The following RFX3 variants were observed in gnomAD, a reference collection of about 807,000 sequenced individuals.
RFX3 encodes the protein transcription factor RFX3.
In RFX3, 14 loss-of-function variants were observed where a neutral mutation model predicts 98.6. The observed-to-expected ratio is 0.14, with a 90% CI of 0.09 to 0.22. The LOEUF is 0.22. RFX3 is among the 10% of genes least tolerant of loss of function. RFX3 has a pLI of 1.00. For missense variants in RFX3, 639 were observed against 926.9 expected, an observed-to-expected ratio of 0.69 and a Z score of 4.03; for synonymous variants, 383 against 328.4, an observed-to-expected ratio of 1.17 and a Z score of -1.80.
intron 2 of RFX3, among the ~76,000 whole-genome samples, chr9:3,393,648 C>G (rs1840550482): frequency 6.7e-6 from 1 of 149,582 alleles, no homozygotes; most frequent in Admixed American, 6.6e-5. Context: ...GGTTCAGAGT[C>G]TTAAAATTGG....
At chr9:3,250,996 T>C (rs79562957) in intron 14 of RFX3, among the ~76,000 whole-genome samples, 2,419 of 152,278 alleles carry the variant, frequency 0.016, 59 homozygotes, top group African/African-American at 0.055. Flanking sequence ...TATCCAAAGA[T>C]ATACGTACAA....
chr9:3,262,430 G>C (rs1586787643), intron 13 of RFX3, among the ~76,000 whole-genome samples: 1 of 152,042 alleles, frequency 6.6e-6, no homozygotes, highest in Non-Finnish European at 1.5e-5. Context: ...ATATTTACTA[G>C]GCAGCTATAG....
chr9:3,352,769 G>C (rs1210857920), intron 2 of RFX3, among the ~76,000 whole-genome samples: 1 of 152,056 alleles, frequency 6.6e-6, no homozygotes. Context: ...GGTGAATCCT[G>C]CCATGATCCT....
intron 10 of RFX3, 135 bp from the exon 11 acceptor site, chr9:3,270,660 C>A: frequency 1.2e-6 from 1 of 847,896 alleles, no homozygotes; most frequent in Non-Finnish European, 1.8e-6. Context: ...TGCCATACAG[C>A]TGGCTATATA....
chr9:3,309,252 G>C (rs775653618), intron 4 of RFX3, among the ~76,000 whole-genome samples: 20 of 152,060 alleles, frequency 1.3e-4, no homozygotes, highest in African/African-American at 4.1e-4. Flanking sequence ...GGGAGATGTC[G>C]TATTTCACAC....
intron 1 of RFX3, among the ~76,000 whole-genome samples, chr9:3,407,677 T>G (rs1842085400): frequency 6.6e-6 from 1 of 152,208 alleles, no homozygotes; most frequent in South Asian, 2.1e-4. Flanking sequence ...GTTTTCATTC[T>G]TCTATATTAT....
At chr9:3,457,130 A>T (rs2132980420) in intron 1 of RFX3, among the ~76,000 whole-genome samples, 1 of 122,634 alleles carries the variant, frequency 8.2e-6, no homozygotes, top group Middle Eastern at 5.1e-3. Flanking sequence ...ACAGGGCGAG[A>T]CTCCATCTCA....
chr9:3,486,257 C>G (rs10114162), intron 1 of RFX3, among the ~76,000 whole-genome samples: 23,592 of 151,760 alleles, frequency 0.16, 3,130 homozygotes, highest in East Asian at 0.57. Context: ...TACTCCAGAG[C>G]CCAGTGAACT....
At chr9:3,508,607 A>T (rs1343246797) in intron 1 of RFX3, among the ~76,000 whole-genome samples, 1 of 152,000 alleles carries the variant, frequency 6.6e-6, no homozygotes, top group African/African-American at 2.4e-5. Context: ...TTCGTTTATT[A>T]CATCTCCCTT....
At chr9:3,319,171 GC>G (rs1284684795) in intron 4 of RFX3, among the ~76,000 whole-genome samples, 1 of 152,180 alleles carries the variant, frequency 6.6e-6, no homozygotes, top group African/African-American at 2.4e-5. Flanking sequence ...ACTAAAACAG[GC>G]TTTTAAAGTG....
At chr9:3,521,449 A>G (rs1256383076) in intron 1 of RFX3, among the ~76,000 whole-genome samples, 1 of 152,190 alleles carries the variant, frequency 6.6e-6, no homozygotes, top group Non-Finnish European at 1.5e-5. Flanking sequence ...TTCTTTAAAT[A>G]AAAGTTCTAG....
chr9:3,369,698 A>G (rs562795915), intron 2 of RFX3, among the ~76,000 whole-genome samples: 6 of 152,362 alleles, frequency 3.9e-5, no homozygotes, highest in Non-Finnish European at 8.8e-5. Flanking sequence ...CTTTTACACT[A>G]GCGAAAGCAA....
At chr9:3,344,753 A>G (rs1834261588) in intron 3 of RFX3, 1 of 671,066 alleles carries the variant, frequency 1.5e-6, no homozygotes, top group African/African-American at 1.8e-5. Flanking sequence ...AGTGTCTACA[A>G]AGCCATTTAT....
At chr9:3,465,192 G>T (rs890760277) in intron 1 of RFX3, among the ~76,000 whole-genome samples, 8 of 152,132 alleles carry the variant, frequency 5.3e-5, no homozygotes, top group Admixed American at 3.9e-4. Flanking sequence ...AGTATCAGTA[G>T]TCTGACAGCA....
intron 14 of RFX3, among the ~76,000 whole-genome samples, chr9:3,252,949 C>G (rs1821621892): frequency 6.6e-6 from 1 of 152,088 alleles, no homozygotes; most frequent in African/African-American, 2.4e-5. Flanking sequence ...CTGTGTCAGG[C>G]CTCCGCTTTA....
At chr9:3,320,285 G>A (rs187360453) in intron 4 of RFX3, among the ~76,000 whole-genome samples, 1 of 152,156 alleles carries the variant, frequency 6.6e-6, no homozygotes, top group African/African-American at 2.4e-5. Context: ...GGGCGTGGTG[G>A]CTCACGCCTG....
In RFX3 at chr9:3,324,429, C is replaced by A. The variant is rs1388982128; in HGVS notation, c.474+5830G>T. Among the ~76,000 whole-genome samples, 5 of 151,706 alleles carry A rather than the reference C, an allele frequency of 3.3e-5. No individual in the cohort carries two copies. In the East Asian group the frequency reaches 9.7e-4, roughly 29 times the overall value. On this transcript the variant is annotated intron_variant, in intron 4 of 16. Coordinates refer to ENST00000617270, the MANE Select transcript of RFX3 (RefSeq NM_001282116.2). ...ATCCAATATTATTTCAACATTTTTT[C>A]CTCTGGTAAGATAGATGGGCAATTC...
chr9:3,486,166 T>A (rs999764066), intron 1 of RFX3, among the ~76,000 whole-genome samples: 27 of 143,188 alleles, frequency 1.9e-4, no homozygotes, highest in African/African-American at 6.9e-4. Context: ...ATAATACAGA[T>A]ATTATTTAGA....
chr9:3,247,204 C>T, intron 15 of RFX3: 1 of 985,846 alleles, frequency 1.0e-6, no homozygotes, highest in Non-Finnish European at 1.2e-6. Flanking sequence ...TAAGCCAGTG[C>T]TGAACCATCT....
Sources: gnomAD v4.1 joint callset for allele counts (sites outside exome capture counted in the v4.1 genomes callset) on GRCh38, gnomAD v4.1.1 for gene constraint, MANE v1.5 for transcripts, NCBI Gene and HGNC (gene_info 2026-07-23, HGNC 2026-07-21) for gene names.